ASB3: variants seen among roughly 807,000 people sequenced by gnomAD.
ASB3 encodes ankyrin repeat and SOCS box protein 3.
In ASB3, 41 loss-of-function variants were observed where a neutral mutation model predicts 54.5. That is an observed-to-expected ratio of 0.75 (90% CI 0.59 to 0.98). The LOEUF is 0.98. ASB3 is among the 50% of genes least tolerant of loss of function. The pLI is 0.00. For synonymous variants in ASB3, 266 were observed against 221.2 expected, an observed-to-expected ratio of 1.20 and a Z score of -1.80; for missense variants, 733 against 620.0, an observed-to-expected ratio of 1.18 and a Z score of -1.94.
intron 2 of ASB3, chr2:53,763,706 A>G (rs1014879575): frequency 5.4e-5 from 9 of 166,798 alleles, no homozygotes; most frequent in African/African-American, 1.7e-4. Flanking sequence ...AAACTACACT[A>G]TTCCGATATG....
intron 7 of ASB3, among the ~76,000 whole-genome samples, chr2:53,704,175 A>G (rs1000328864): frequency 2.6e-5 from 4 of 152,102 alleles, no homozygotes; most frequent in African/African-American, 9.7e-5. Flanking sequence ...AGCCTGACCA[A>G]CATGGGAAAA....
chr2:53,747,922 A>T lies in ASB3; in HGVS notation c.355+2861T>A, dbSNP rs1572960264. Among the ~76,000 whole-genome samples the T allele has an allele frequency of 3.3e-5, 5 of 152,356 alleles. No homozygotes were observed. In the South Asian group the frequency reaches 1.0e-3, roughly 32 times the overall value. On this transcript the variant is annotated intron_variant, in intron 3 of 9. Transcript: ENST00000263634. ...ATAGCACATAGTGTTTCGCAAATGTATGTGATTAGGAAACCTTTTGTCAAT... is the reference window on the plus strand; with the variant it reads ...ATAGCACATAGTGTTTCGCAAATGTTTGTGATTAGGAAACCTTTTGTCAAT...
chr2:53,713,442 A>G (rs1670215423), intron 7 of ASB3, among the ~76,000 whole-genome samples: 1 of 152,376 alleles, frequency 6.6e-6, no homozygotes, highest in South Asian at 2.1e-4. Context: ...CTGTTCTTAC[A>G]CACAGCTTTA....
In ASB3 at chr2:53,781,239, C is replaced by G. The variant is rs187936938; in HGVS notation, c.-14+5582G>C. Among the ~76,000 whole-genome samples the G allele has an allele frequency of 2.7e-4, 41 of 151,842 alleles. 1 individual carries two copies. The highest frequency in any genetic ancestry group is 8.2e-4 in the African/African-American group (34 of 41,240). On this transcript the variant is annotated intron_variant, in intron 1 of 9. Coordinates refer to ENST00000263634, the MANE Select transcript of ASB3 (RefSeq NM_016115.5). ...CCTGGGCAACATGGCAAAACCCTAT[C>G]TCTTACAAAAAATACAAAAAAAATT...
chr2:53,744,635 T>TA (rs984046686), intron 3 of ASB3, among the ~76,000 whole-genome samples: 15 of 150,818 alleles, frequency 9.9e-5, no homozygotes, highest in Admixed American at 7.3e-4. Context: ...TTGAAAAATC[T>TA]AAAAAAAAAC....
At chr2:53,705,571 T>C (rs967463276) in intron 7 of ASB3, among the ~76,000 whole-genome samples, 2 of 152,208 alleles carry the variant, frequency 1.3e-5, no homozygotes, top group African/African-American at 2.4e-5. Context: ...GAGTTTATCC[T>C]GTTTGGGTTT....
Position 53,716,626 on chromosome 2 carries a change from T to G in ASB3, c.722A>C (p.Tyr241Ser). Reference protein sequence around the residue: ...LLSSGADPDLYCNEDSWQLPI... With the variant: ...LLSSGADPDLSCNEDSWQLPI... The stretch of plus-strand genomic sequence containing the variant: ...TAACTGCCAACTGTCCTCATTACAG[T>G]AAAGATCAGGATCTGCCCCACTGGA... Residue 241 changes from tyrosine to serine, a missense_variant, in exon 6 of 10, where the codon TAC becomes TCC. Coordinates refer to ENST00000263634, the MANE Select transcript of ASB3 (RefSeq NM_016115.5). 1 of 1,614,180 alleles carries G rather than the reference T, an allele frequency of 6.2e-7. No individual in the cohort carries two copies. Among genetic ancestry groups the G allele is most frequent in the Non-Finnish European group, 8.5e-7 (1 of 1,180,010 alleles).
intron 9 of ASB3, among the ~76,000 whole-genome samples, chr2:53,684,277 T>G (rs1259130942): frequency 6.6e-6 from 1 of 152,222 alleles, no homozygotes; most frequent in African/African-American, 2.4e-5. Flanking sequence ...ACAGAGTGGT[T>G]AGAAGTTCTC....
At chr2:53,780,545 A>C (rs1219193856) in intron 1 of ASB3, among the ~76,000 whole-genome samples, 1 of 152,182 alleles carries the variant, frequency 6.6e-6, no homozygotes, top group African/African-American at 2.4e-5. Flanking sequence ...TTGGGAGGCC[A>C]AAGCAAGGGG....
chr2:53,695,688 A>T (rs3770403), intron 8 of ASB3, among the ~76,000 whole-genome samples: 83,102 of 151,902 alleles, frequency 0.55, 23,552 homozygotes, highest in African/African-American at 0.69. Context: ...TTTACTACAG[A>T]GACCATTACA....
intron 1 of ASB3, among the ~76,000 whole-genome samples, chr2:53,783,724 T>C (rs1284772062): frequency 6.6e-6 from 1 of 152,224 alleles, no homozygotes; most frequent in African/African-American, 2.4e-5. Context: ...AAAATGATTG[T>C]GGACTAAGTC....
At chr2:53,688,910 G>A (rs1668768086) in intron 9 of ASB3, among the ~76,000 whole-genome samples, 1 of 151,734 alleles carries the variant, frequency 6.6e-6, no homozygotes, top group African/African-American at 2.4e-5. Flanking sequence ...TCCTGCACAT[G>A]TATCCCAGAA....
intron 7 of ASB3, among the ~76,000 whole-genome samples, chr2:53,712,849 T>C (rs1670183944): frequency 6.6e-6 from 1 of 152,184 alleles, no homozygotes; most frequent in African/African-American, 2.4e-5. Context: ...ACTTAAGATT[T>C]GGGATAGAGA....
rs371455155 is a variant in ASB3 at position 53,745,849 on chromosome 2, T to A, written c.355+4934A>T. Among the ~76,000 whole-genome samples, 19 of 152,376 alleles carry A rather than the reference T, an allele frequency of 1.2e-4. No individual in the cohort carries two copies. The East Asian group carries it at 1.9e-3, about 15-fold the overall frequency. On this transcript the variant is annotated intron_variant, in intron 3 of 9. Coordinates refer to ENST00000263634, the MANE Select transcript of ASB3 (RefSeq NM_016115.5). ...GAAGCTATTCTAGACAGGTTAACCT[T>A]CCTTTCTCACTTTAAGTCCAACTAG...
chr2:53,695,592 A>G (rs1250251255), intron 8 of ASB3, among the ~76,000 whole-genome samples: 1 of 152,140 alleles, frequency 6.6e-6, no homozygotes, highest in Non-Finnish European at 1.5e-5. Context: ...TATACATGAC[A>G]AGTAAATCTG....
intron 7 of ASB3, among the ~76,000 whole-genome samples, chr2:53,706,248 T>C (rs1053838250): frequency 6.6e-6 from 1 of 152,142 alleles, no homozygotes; most frequent in Admixed American, 6.5e-5. Context: ...CCACAAGGCA[T>C]TGAGGAAGAC....
At chr2:53,768,185 C>T in intron 1 of ASB3, 1 of 791,260 alleles carries the variant, frequency 1.3e-6, no homozygotes, top group Non-Finnish European at 1.9e-6. Context: ...ACCTGCCCGC[C>T]ATCTCTAACC....
In ASB3 at chr2:53,700,376, T is replaced by C. The variant is rs751923396; in HGVS notation, c.1133A>G (p.Tyr378Cys). 4.3e-6 allele frequency: 7 copies of C among 1,613,966 alleles called. No individual in the cohort carries two copies. The highest frequency in any genetic ancestry group is 1.6e-4 in the Middle Eastern group (1 of 6,084). ...TTTAATTGCATGATTTACAAATTCA[T>C]ATATATGGTTCCATGGTCCCAATGA... is the stretch of plus-strand genomic sequence containing the variant. ...GCSLGPWNHIYEFVNHAIKAQ... is the reference protein window; with the variant it reads ...GCSLGPWNHICEFVNHAIKAQ... The change falls in exon 8 of 10, where the codon TAT becomes TGT. Residue 378 changes from tyrosine (Y) to cysteine (C), a missense_variant. Transcript: ENST00000263634.
chr2:53,785,028 C>G (rs1046700061), intron 1 of ASB3, among the ~76,000 whole-genome samples: 1 of 152,238 alleles, frequency 6.6e-6, no homozygotes, highest in Non-Finnish European at 1.5e-5. Flanking sequence ...TACACTCCAG[C>G]CACACTGGCC....
Sources: gnomAD v4.1 joint callset for allele counts (sites outside exome capture counted in the v4.1 genomes callset) on GRCh38, gnomAD v4.1.1 for gene constraint, MANE v1.5 for transcripts, NCBI Gene and HGNC (gene_info 2026-07-23, HGNC 2026-07-21) for gene names.